The following ZNF343 variants were observed in gnomAD, a reference collection of about 807,000 sequenced individuals.
ZNF343 encodes zinc finger protein 343.
In ZNF343, 11 loss-of-function variants were observed where a neutral mutation model predicts 13.8. The observed-to-expected ratio is 0.80, with a 90% CI of 0.50 to 1.32. The LOEUF (loss-of-function observed/expected upper bound fraction) is 1.32. ZNF343 is among the 40% of genes most tolerant of loss of function. The probability of loss-of-function intolerance (pLI) is 0.00; values close to 1 mark genes in which losing one functional copy is unlikely to be tolerated. For missense variants in ZNF343, 658 were observed against 714.2 expected (o/e 0.92, Z 0.90); for synonymous variants, 248 against 260.0 (o/e 0.95, Z 0.44).
intron 2 of ZNF343, among the ~76,000 whole-genome samples, chr20:2,499,076 C>T (rs1310960420): frequency 1.3e-5 from 2 of 151,956 alleles, no homozygotes; most frequent in Non-Finnish European, 2.9e-5. Flanking sequence ...TCCATCACTT[C>T]AGCCTCCCAA....
Position 2,493,898 on chromosome 20 carries a change from C to A in ZNF343, c.-3G>T. The A allele has an allele frequency of 6.2e-7, 1 of 1,601,158 alleles. No individual in the cohort carries two copies. The highest frequency in any genetic ancestry group is 8.6e-7 in the Non-Finnish European group (1 of 1,168,232). ...GCTGAAGGATAAGGCAACATCATGG[C>A]GCCAGAGTCAGCCCAGTGTGTGCCT... On this transcript the variant is annotated 5_prime_UTR_variant, in exon 3 of 6. Transcript: ENST00000278772.
In ZNF343 at chr20:2,493,665, C is replaced by T. The variant is rs1442138261; in HGVS notation, c.119-88G>A. 15 of 1,147,420 alleles carry T rather than the reference C, an allele frequency of 1.3e-5. No homozygotes were observed. The East Asian group carries it at 5.5e-4, about 42-fold the overall frequency. 71.1% of individuals were successfully genotyped at this position (1,147,420 alleles called of 1,614,324 possible). ...CGCTCCCTGAGCAGCTCTTCTGAGC[C>T]TTAGGATGAAGGAAGTAGTCACTTA... is the stretch of plus-strand genomic sequence containing the variant. On this transcript the variant is annotated intron_variant, in intron 3 of 5. Transcript: ENST00000278772.
chr20:2,516,500 G>A (rs1275339691), intron 1 of ZNF343, among the ~76,000 whole-genome samples: 6 of 152,096 alleles, frequency 3.9e-5, no homozygotes, highest in Middle Eastern at 3.2e-3. Flanking sequence ...GAGTGTGAGC[G>A]TGGGCATGAG....
chr20:2,524,044 C>G (rs910992122), intron 1 of ZNF343, among the ~76,000 whole-genome samples: 4 of 150,418 alleles, frequency 2.7e-5, no homozygotes, highest in African/African-American at 9.8e-5. Flanking sequence ...CTTAGGATAG[C>G]TGGTGTGGCC....
intron 1 of ZNF343, among the ~76,000 whole-genome samples, chr20:2,502,275 A>C (rs1357143770): frequency 2.0e-5 from 3 of 152,220 alleles, no homozygotes; most frequent in Admixed American, 6.5e-5. Context: ...AAGAATAAAA[A>C]GAAACAAACA....
At chr20:2,509,963 G>A (rs764576000), upstream of ZNF343, among the ~76,000 whole-genome samples, 9 of 152,180 alleles carry the variant, frequency 5.9e-5, no homozygotes, top group Non-Finnish European at 1.0e-4. Flanking sequence ...TTACAAAAGA[G>A]GAATGTTTCC....
chr20:2,515,300 G>GT (rs11481360), intron 1 of ZNF343, among the ~76,000 whole-genome samples: 78,122 of 151,788 alleles, frequency 0.51, 21,746 homozygotes, highest in African/African-American at 0.73. Context: ...TCCCATATTG[G>GT]TTTTTTTCTT....
rs764843327 is a variant in ZNF343 at position 2,493,531 on chromosome 20, C to T, written c.165G>A (p.Lys55=). ...AACCCCAACTCACCACTATTTGGGC[C>T]TTTCCCTCCTTTTTCTGGGGGCAGT... ...DTDCPQKKEG[K]AQIVVPVTFR... The change falls in exon 4 of 6, where the codon AAG becomes AAA. Residue 55 remains lysine (K), a synonymous_variant. Transcript: ENST00000278772. 18 of 1,613,864 alleles carry T rather than the reference C, an allele frequency of 1.1e-5. 1 individual carries two copies. The South Asian group carries it at 1.9e-4, about 17-fold the overall frequency.
intron 1 of ZNF343, among the ~76,000 whole-genome samples, chr20:2,523,285 C>T (rs11696797): frequency 0.12 from 17,858 of 152,182 alleles, 1,077 homozygotes; most frequent in East Asian, 0.17. Flanking sequence ...TTCCAGAAAA[C>T]TCATCAATAA....
intron 5 of ZNF343, among the ~76,000 whole-genome samples, chr20:2,488,967 C>T (rs1415632446): frequency 6.6e-6 from 1 of 152,110 alleles, no homozygotes; most frequent in Non-Finnish European, 1.5e-5. Flanking sequence ...ATCACCTGAG[C>T]CCAGGAAGTC....
At chr20:2,492,332 T>A (rs2085379068) in intron 5 of ZNF343, among the ~76,000 whole-genome samples, 1 of 152,150 alleles carries the variant, frequency 6.6e-6, no homozygotes, top group Non-Finnish European at 1.5e-5. Context: ...TACCTACAGT[T>A]CTAACCTCCT....
chr20:2,522,888 T>C lies in ZNF343; in HGVS notation c.-347+1567A>G, dbSNP rs188677592. The stretch of plus-strand genomic sequence containing the variant: ...ATCGCTTGAGCCTGGGAGGCAGAGG[T>C]TGTGGCAGCGGCATTTGATCCAGAG... On this transcript the variant is annotated intron_variant, in intron 1 of 6. Transcript: ENST00000358413. Among the ~76,000 whole-genome samples the C allele has an allele frequency of 2.6e-5, 4 of 152,118 alleles. No individual in the cohort carries two copies. The East Asian group carries it at 5.8e-4, about 22-fold the overall frequency.
intron 4 of ZNF343, 34 bp downstream of exon 4, chr20:2,493,485 T>G (rs2085400457): frequency 6.3e-7 from 1 of 1,596,174 alleles, no homozygotes; most frequent in Non-Finnish European, 8.6e-7. Flanking sequence ...GAGCCAGCAC[T>G]TCAGGAAAAA....
intron 1 of ZNF343, among the ~76,000 whole-genome samples, chr20:2,517,300 C>T (rs1396952099): frequency 6.6e-6 from 1 of 151,668 alleles, no homozygotes; most frequent in Non-Finnish European, 1.5e-5. Flanking sequence ...TATATGTATA[C>T]ACACACACAG....
intron 2 of ZNF343, among the ~76,000 whole-genome samples, chr20:2,499,983 T>C (rs1295150496): frequency 3.3e-5 from 5 of 152,228 alleles, no homozygotes; most frequent in Admixed American, 2.6e-4. Flanking sequence ...TTGTTGAATG[T>C]GGTAATATTA....
chr20:2,493,139 A>G, intron 4 of ZNF343: 1 of 472,196 alleles, frequency 2.1e-6, no homozygotes, highest in South Asian at 2.3e-5. Flanking sequence ...TTCATAATGA[A>G]GGAATTCAGA....
At chr20:2,519,644 A>G (rs180948565) in intron 1 of ZNF343, among the ~76,000 whole-genome samples, 80 of 152,340 alleles carry the variant, frequency 5.3e-4, no homozygotes, top group African/African-American at 1.8e-3. Flanking sequence ...GTTTCTCTGG[A>G]GAACCCTGAC....
chr20:2,486,209 G>C (rs2085278716), intron 5 of ZNF343, among the ~76,000 whole-genome samples: 1 of 152,084 alleles, frequency 6.6e-6, no homozygotes, highest in South Asian at 2.1e-4. Flanking sequence ...TCTATTTTGT[G>C]TCAAACACTG....
chr20:2,506,607 A>G (rs1250737024), intron 1 of ZNF343, among the ~76,000 whole-genome samples: 3 of 152,228 alleles, frequency 2.0e-5, no homozygotes, highest in Non-Finnish European at 4.4e-5. Flanking sequence ...ACGGAATACT[A>G]TGCAGCCATA....
Sources: gnomAD v4.1 joint callset for allele counts (sites outside exome capture counted in the v4.1 genomes callset) on GRCh38, gnomAD v4.1.1 for gene constraint, MANE v1.5 for transcripts, NCBI Gene and HGNC (gene_info 2026-07-23, HGNC 2026-07-21) for gene names.